The following BCLAF1 variants were observed in gnomAD, a reference collection of about 807,000 sequenced individuals.
The protein encoded by BCLAF1 is bcl-2-associated transcription factor 1.
BCLAF1 carries 10 observed loss-of-function variants against 99.5 expected under a neutral mutation model. The ratio of observed to expected loss-of-function variants is 0.10; its 90% CI spans 0.06 to 0.17. BCLAF1 has a LOEUF of 0.17. BCLAF1 is among the 10% of genes least tolerant of loss of function. BCLAF1 has a pLI of 1.00. For missense variants in BCLAF1, 636 were observed against 1,105.8 expected, an observed-to-expected ratio of 0.58 and a Z score of 6.02; for synonymous variants, 255 against 370.9, an observed-to-expected ratio of 0.69 and a Z score of 3.59.
In BCLAF1 at chr6:136,277,764, C is replaced by G. The variant is rs570462967; in HGVS notation, c.1016+101G>C. On this transcript the variant is annotated intron_variant, in intron 4 of 12. Transcript: ENST00000531224. ...AATGAAGGAAGTCAAGAGTAAAAAC[C>G]GCTAGTTAAATACATATCACAATTT... The G allele has an allele frequency of 5.4e-4, 744 of 1,368,812 alleles. 1 individual carries two copies. The highest frequency in any genetic ancestry group is 2.1e-3 in the Middle Eastern group (8 of 3,832). The allele number at this position is 1,368,812 out of a possible 1,614,324, so 84.8% of individuals were successfully genotyped here.
At chr6:136,268,791 A>G (rs755458517) in intron 9 of BCLAF1, 9 of 166,214 alleles carry the variant, frequency 5.4e-5, no homozygotes, top group South Asian at 1.4e-4. Context: ...GACATTACAA[A>G]TAACAGCCAT....
intron 11 of BCLAF1, among the ~76,000 whole-genome samples, chr6:136,261,943 T>C (rs1781069963): frequency 6.6e-6 from 1 of 152,160 alleles, no homozygotes; most frequent in African/African-American, 2.4e-5. Context: ...ATGAATTTTA[T>C]ACTTTACATA....
At chr6:136,285,988 A>T (rs535951133) in intron 1 of BCLAF1, among the ~76,000 whole-genome samples, 1 of 152,120 alleles carries the variant, frequency 6.6e-6, no homozygotes, top group Non-Finnish European at 1.5e-5. Context: ...GTCCCAAGGT[A>T]CTCCAGAGGC....
chr6:136,274,197 C>T (rs746104970), intron 6 of BCLAF1: 66 of 1,278,922 alleles, frequency 5.2e-5, no homozygotes, highest in Non-Finnish European at 6.6e-5. Context: ...GACCTAGTTA[C>T]AATGAAAAAG....
rs1290926849 is a variant in BCLAF1, at chr6:136,258,857, T to A, written c.*2253A>T. On this transcript the variant is annotated 3_prime_UTR_variant, in exon 13 of 13. Coordinates refer to ENST00000531224, the MANE Select transcript of BCLAF1 (RefSeq NM_014739.3). Reference sequence around the variant, plus strand: ...GTACACATACACACCTAAAGAGTCATGGCCTTCTTAAACAGCTTTCTTAAT... The same window carrying A: ...GTACACATACACACCTAAAGAGTCAAGGCCTTCTTAAACAGCTTTCTTAAT... 6.6e-6 allele frequency: 1 copy of A among 152,488 alleles called. No individual in the cohort carries two copies. The highest frequency in any genetic ancestry group is 1.5e-5 in the Non-Finnish European group (1 of 67,898). The allele number at this position is 152,488 out of a possible 1,614,324, so 9.4% of individuals were successfully genotyped here.
intron 6 of BCLAF1, 83 bp from the exon 7 acceptor site, chr6:136,273,270 G>A (rs1782799589): frequency 1.7e-6 from 2 of 1,166,312 alleles, no homozygotes; most frequent in East Asian, 2.4e-5. Flanking sequence ...CATGTAGCAG[G>A]TGAAAAGAAA....
chr6:136,273,257 G>C lies in BCLAF1; in HGVS notation c.1853-70C>G, dbSNP rs1269689374. On this transcript the variant is annotated intron_variant, in intron 6 of 12. Coordinates refer to ENST00000531224, the MANE Select transcript of BCLAF1 (RefSeq NM_014739.3). ...TAAGAGAGATTTGTTTGTGACAGAA[G>C]GGCATGTAGCAGGTGAAAAGAAAAT... The C allele has an allele frequency of 1.4e-5, 18 of 1,310,952 alleles. No individual in the cohort carries two copies. The East Asian group carries it at 4.0e-4, about 29-fold the overall frequency. The allele number at this position is 1,310,952 out of a possible 1,614,324, so 81.2% of individuals were successfully genotyped here.
chr6:136,279,745 T>C lies in BCLAF1; in HGVS notation c.104+18A>G, dbSNP rs766524534. The C allele has an allele frequency of 6.5e-7, 1 of 1,532,442 alleles. No individual in the cohort carries two copies. Among genetic ancestry groups the C allele is most frequent in the South Asian group, 1.3e-5 (1 of 75,556 alleles). The allele number at this position is 1,532,442 out of a possible 1,614,324, so 94.9% of individuals were successfully genotyped here. A position where few individuals can be genotyped will look rare whatever the true frequency, so the allele number is the denominator to read the frequency against. ...AACTGATATAATTATTTTAAAAATT[T>C]AAAGCACATTAAATCACCTGTATCG... is the stretch of plus-strand genomic sequence containing the variant. On this transcript the variant is annotated intron_variant, in intron 3 of 12. Coordinates refer to ENST00000531224, the MANE Select transcript of BCLAF1 (RefSeq NM_014739.3).
rs1251178538 is a variant in BCLAF1 at position 136,277,847 on chromosome 6, C to G, written c.1016+18G>C. ...CAAAAACAATATTATAATCTAGATTCTGTATTTTAGTTTTTACCTTTTTAA... is the reference window on the plus strand; with the variant it reads ...CAAAAACAATATTATAATCTAGATTGTGTATTTTAGTTTTTACCTTTTTAA... On this transcript the variant is annotated intron_variant, in intron 4 of 12. Transcript: ENST00000531224. 3 of 1,598,104 alleles carry G rather than the reference C, an allele frequency of 1.9e-6. No homozygotes were observed. Among genetic ancestry groups the G allele is most frequent in the Non-Finnish European group, 2.6e-6 (3 of 1,172,422 alleles).
chr6:136,279,932 T>G (rs991214033), intron 2 of BCLAF1, 56 bp from the exon 3 acceptor site: 1 of 1,342,896 alleles, frequency 7.4e-7, no homozygotes, highest in East Asian at 2.8e-5. Context: ...ATTTAAAATT[T>G]TACATTATTA....
At chr6:136,267,747 A>C (rs1781923163) in intron 10 of BCLAF1, among the ~76,000 whole-genome samples, 1 of 152,002 alleles carries the variant, frequency 6.6e-6, no homozygotes, top group South Asian at 2.1e-4. Context: ...TATGATTGAT[A>C]CCCATATAAG....
At chr6:136,279,597 TG>T in intron 3 of BCLAF1, 165 bp downstream of exon 3, 1 of 695,046 alleles carries the variant, frequency 1.4e-6, no homozygotes, top group Non-Finnish European at 2.0e-6. Flanking sequence ...GCTTGTTACC[TG>T]GACATTCTCA....
At chr6:136,273,465 C>G in intron 6 of BCLAF1, 1 of 289,366 alleles carries the variant, frequency 3.5e-6, no homozygotes. Flanking sequence ...CATTAATACA[C>G]TACTTCCTCA....
chr6:136,261,264 C>T lies in BCLAF1; in HGVS notation c.2757+1G>A. 1 of 1,611,508 alleles carries T rather than the reference C, an allele frequency of 6.2e-7. No homozygotes were observed. The highest frequency in any genetic ancestry group is 2.2e-5 in the East Asian group (1 of 44,862). ...CAGAATCACAAGTTGAAATTTTATA[C>T]CTTTTCTTCCTTGCGTCTGTCCTTC... On this transcript the variant is annotated splice_donor_variant, in intron 12 of 12. Coordinates refer to ENST00000531224, the MANE Select transcript of BCLAF1 (RefSeq NM_014739.3). LOFTEE classifies it high-confidence loss of function.
At chr6:136,282,298 A>C (rs778306469) in intron 2 of BCLAF1, among the ~76,000 whole-genome samples, 3 of 152,114 alleles carry the variant, frequency 2.0e-5, no homozygotes, top group Non-Finnish European at 4.4e-5. Context: ...CATTAGGGAA[A>C]TGGGTTAAGT....
intron 3 of BCLAF1, 48 bp downstream of exon 3, chr6:136,279,715 G>C (rs761236192): frequency 2.1e-6 from 3 of 1,459,882 alleles, no homozygotes; most frequent in Admixed American, 2.3e-5. Context: ...CATTCAACAA[G>C]TATTAACTGA....
In BCLAF1 at chr6:136,281,057, T is replaced by C. The variant is rs148478105; in HGVS notation, c.-10-1181A>G. 3.0e-3 allele frequency among the ~76,000 whole-genome samples: 452 copies of C among 152,290 alleles called. 1 individual carries two copies. Among genetic ancestry groups the C allele is most frequent in the African/African-American group, 9.6e-3 (401 of 41,576 alleles). Reference sequence around the variant, plus strand: ...GGAGGTACTAAGATGAGTTCAGTTATAGAAGAAGTAATGGTAATACTTGGA... The same window carrying C: ...GGAGGTACTAAGATGAGTTCAGTTACAGAAGAAGTAATGGTAATACTTGGA... On this transcript the variant is annotated intron_variant, in intron 2 of 12. Coordinates refer to ENST00000531224, the MANE Select transcript of BCLAF1 (RefSeq NM_014739.3).
chr6:136,260,957 A>G lies in BCLAF1; in HGVS notation c.*153T>C. On this transcript the variant is annotated 3_prime_UTR_variant, in exon 13 of 13. Coordinates refer to ENST00000531224, the MANE Select transcript of BCLAF1 (RefSeq NM_014739.3). ...TTCAACATACAGTCTACTATTTCTC[A>G]AGATATTTGAAGACTTAAAACAAAA... The G allele has an allele frequency of 1.4e-6, 1 of 735,966 alleles. No individual in the cohort carries two copies. The highest frequency in any genetic ancestry group is 2.5e-5 in the South Asian group (1 of 40,300). 45.6% of individuals were successfully genotyped at this position (735,966 alleles called of 1,614,324 possible). A position where few individuals can be genotyped will look rare whatever the true frequency, so the allele number is the denominator to read the frequency against.
rs1352029719 is a variant in BCLAF1, at chr6:136,275,520, T to C, written c.1852+12A>G. 2.0e-6 allele frequency: 3 copies of C among 1,527,978 alleles called. No individual in the cohort carries two copies. The highest frequency in any genetic ancestry group is 2.6e-5 in the South Asian group (2 of 76,160). The allele number at this position is 1,527,978 out of a possible 1,614,324, so 94.7% of individuals were successfully genotyped here. A position where few individuals can be genotyped will look rare whatever the true frequency, so the allele number is the denominator to read the frequency against. On this transcript the variant is annotated intron_variant, in intron 6 of 12. Transcript: ENST00000531224. ...GAAATTTAATTCACGATACTAAACA[T>C]ACTAAGCATACCTTTAACATGATGA...
Sources: allele counts gnomAD v4.1 joint callset (sites outside exome capture counted in the v4.1 genomes callset), GRCh38; gene constraint gnomAD v4.1.1; transcripts MANE v1.5; gene names NCBI Gene and HGNC (gene_info 2026-07-23, HGNC 2026-07-21).